Variants in MSI2 observed in about 807,000 individuals in gnomAD.
The protein encoded by MSI2 is RNA-binding protein Musashi homolog 2.
Under a neutral mutation model 45.6 loss-of-function variants are expected in MSI2, and 17 were observed. The observed-to-expected ratio is 0.37, with a 90% CI of 0.26 to 0.56. The LOEUF (loss-of-function observed/expected upper bound fraction) is 0.56. Among genes scored for constraint, MSI2 ranks in the 20% least tolerant of loss-of-function variants. The probability of loss-of-function intolerance (pLI) is 0.77; values close to 1 mark genes in which losing one functional copy is unlikely to be tolerated. For missense variants in MSI2, 293 were observed against 444.2 expected (o/e 0.66, Z 3.06); for synonymous variants, 156 against 158.2 (o/e 0.99, Z 0.11).
chr17:57,527,467 C>CG (rs34455379), intron 6 of MSI2, among the ~76,000 whole-genome samples: 61 of 152,052 alleles, frequency 4.0e-4, no homozygotes, highest in African/African-American at 1.0e-3. Flanking sequence ...TTACCGTCGG[C>CG]GGGGGCTCTT....
chr17:57,345,805 T>A (rs981162590), intron 5 of MSI2, among the ~76,000 whole-genome samples: 8 of 128,234 alleles, frequency 6.2e-5, no homozygotes, highest in African/African-American at 2.7e-4. Flanking sequence ...GGCGACAGAG[T>A]GGGACTCCGT....
At chr17:57,489,191 G>A (rs560923816) in intron 6 of MSI2, among the ~76,000 whole-genome samples, 7 of 152,276 alleles carry the variant, frequency 4.6e-5, no homozygotes, top group African/African-American at 1.2e-4. Flanking sequence ...GAAGGGAGTC[G>A]GATGAAATCT....
intron 1 of MSI2, 46 bp downstream of exon 1, chr17:57,256,850 C>T: frequency 2.1e-6 from 3 of 1,395,812 alleles, no homozygotes; most frequent in East Asian, 2.8e-5. Context: ...GGCTCGCTCT[C>T]CTTGCAGCGG....
the MSI2 span, among the ~76,000 whole-genome samples, chr17:57,701,000 G>A: frequency 6.6e-6 from 1 of 152,186 alleles, no homozygotes; most frequent in African/African-American, 2.4e-5. Context: ...CAGATTTGGA[G>A]TGAAGGGTGA....
chr17:57,679,597 CT>C lies in MSI2; in HGVS notation c.*83del. The C allele has an allele frequency of 9.4e-7, 1 of 1,062,586 alleles. No homozygotes were observed. Among genetic ancestry groups the C allele is most frequent in the Non-Finnish European group, 1.1e-6 (1 of 877,290 alleles). The allele number at this position is 1,062,586 out of a possible 1,614,324, so 65.8% of individuals were successfully genotyped here. On this transcript the variant is annotated 3_prime_UTR_variant, in exon 14 of 14. Transcript: ENST00000284073. ...GACTGGGCGAAGTTTCTGAGTGGCC[CT>C]TTGTTTAGGTGATGTCCTCAGACCT...
At chr17:57,565,919 C>A (rs756187305) in intron 7 of MSI2, 6 of 152,076 alleles carry the variant, frequency 3.9e-5, no homozygotes, top group Non-Finnish European at 7.3e-5. Context: ...GTTTACTTTC[C>A]CAGGGAGAGT....
chr17:57,582,034 C>T (rs952834983), intron 7 of MSI2, among the ~76,000 whole-genome samples: 2 of 152,202 alleles, frequency 1.3e-5, no homozygotes, highest in Non-Finnish European at 2.9e-5. Flanking sequence ...GCTGCTCAGT[C>T]AGGAGGACCC....
Position 57,681,702 on chromosome 17 carries a change from G to A in MSI2, c.*2185G>A, listed in dbSNP as rs1567976209. 1 of 189,036 alleles carries A rather than the reference G, an allele frequency of 5.3e-6. No individual in the cohort carries two copies. The highest frequency in any genetic ancestry group is 1.1e-5 in the Non-Finnish European group (1 of 91,234). 11.7% of individuals were successfully genotyped at this position (189,036 alleles called of 1,614,324 possible). On this transcript the variant is annotated 3_prime_UTR_variant, in exon 14 of 14. Transcript: ENST00000284073. ...GGTTGTTTGGTGAGGTTTTTTTGTT[G>A]TTTTTTTCCTTTCTTTGTTTCTTTT...
chr17:57,666,769 A>G (rs144835141), intron 11 of MSI2, among the ~76,000 whole-genome samples: 1 of 152,272 alleles, frequency 6.6e-6, no homozygotes, highest in East Asian at 1.9e-4. Flanking sequence ...TCAGGTTGGG[A>G]ATTGGTGCCT....
chr17:57,521,280 G>A (rs1301899990), intron 6 of MSI2, among the ~76,000 whole-genome samples: 1 of 152,184 alleles, frequency 6.6e-6, no homozygotes. Flanking sequence ...CTGAACCCCA[G>A]GCCCAGCCCC....
chr17:57,464,072 T>C (rs1461033715), intron 6 of MSI2, among the ~76,000 whole-genome samples: 1 of 151,944 alleles, frequency 6.6e-6, no homozygotes, highest in Non-Finnish European at 1.5e-5. Context: ...TCACAGTGGT[T>C]CTGTCTCCTT....
Position 57,592,366 on chromosome 17 carries a change from A to G in MSI2, c.455-4502A>G, listed in dbSNP as rs115307111. Among the ~76,000 whole-genome samples, 783 of 152,278 alleles carry G rather than the reference A, an allele frequency of 5.1e-3. 9 individuals carry two copies. The highest frequency in any genetic ancestry group is 0.017 in the African/African-American group (717 of 41,548). On this transcript the variant is annotated intron_variant, in intron 7 of 13. Transcript: ENST00000284073. ...TTCATTTTGGGGGTTATTCAGCACT[A>G]AGTTACTAATTCATTGTAAATGCTA...
Position 57,257,529 on chromosome 17 carries a change from C to T in MSI2, c.167C>T (p.Pro56Leu), listed in dbSNP as rs778779445. Residue 56 changes from proline to leucine, a missense_variant, in exon 3 of 14, where the codon CCC becomes CTC. Transcript: ENST00000284073. Reference protein sequence around the residue: ...EIRECMVMRDPTTKRSRGFGF... With the variant: ...EIRECMVMRDLTTKRSRGFGF... ...AGAGAATGTATGGTCATGAGAGATC[C>T]CACTACGAAACGCTCCAGGTAAACC... 3 of 1,603,648 alleles carry T rather than the reference C, an allele frequency of 1.9e-6. No individual in the cohort carries two copies. Among genetic ancestry groups the T allele is most frequent in the Non-Finnish European group, 1.7e-6 (2 of 1,171,470 alleles).
intron 6 of MSI2, among the ~76,000 whole-genome samples, chr17:57,513,826 C>A (rs564180194): frequency 1.2e-3 from 183 of 152,196 alleles, no homozygotes; most frequent in Non-Finnish European, 2.2e-3. Flanking sequence ...AAATTCCTAT[C>A]GTTCTTAGAA....
chr17:57,483,277 A>G (rs2085684848), intron 6 of MSI2, among the ~76,000 whole-genome samples: 1 of 152,200 alleles, frequency 6.6e-6, no homozygotes, highest in Non-Finnish European at 1.5e-5. Context: ...TTAAAAAAAA[A>G]AAAAGAAAAC....
chr17:57,600,644 G>A (rs1029880295), intron 8 of MSI2, among the ~76,000 whole-genome samples: 5 of 152,110 alleles, frequency 3.3e-5, no homozygotes, highest in Non-Finnish European at 7.4e-5. Context: ...CTACTCACAG[G>A]GGACCAGGAT....
At chr17:57,588,465 G>T (rs147716493) in intron 7 of MSI2, among the ~76,000 whole-genome samples, 1 of 152,310 alleles carries the variant, frequency 6.6e-6, no homozygotes, top group African/African-American at 2.4e-5. Flanking sequence ...GTACATCTGC[G>T]GTTGGGGGTC....
intron 5 of MSI2, among the ~76,000 whole-genome samples, chr17:57,354,244 T>G (rs1299554757): frequency 6.6e-6 from 1 of 152,158 alleles, no homozygotes; most frequent in East Asian, 1.9e-4. Context: ...TGCCAACCCC[T>G]AGTCAGTAGC....
intron 7 of MSI2, among the ~76,000 whole-genome samples, chr17:57,588,792 G>T (rs1022565650): frequency 6.6e-6 from 1 of 152,204 alleles, no homozygotes; most frequent in African/African-American, 2.4e-5. Context: ...GGGTTCAGGG[G>T]TGCAGTTGTT....
Sources: allele counts gnomAD v4.1 joint callset (sites outside exome capture counted in the v4.1 genomes callset), GRCh38; gene constraint gnomAD v4.1.1; transcripts MANE v1.5; gene names NCBI Gene and HGNC (gene_info 2026-07-23, HGNC 2026-07-21).